Variants in MPND observed in about 807,000 individuals in gnomAD.
MPND encodes MPN domain-containing protein.
MPND carries 56 observed loss-of-function variants against 59.2 expected under a neutral mutation model. That is an observed-to-expected ratio of 0.95 (90% CI 0.76 to 1.18). The LOEUF (loss-of-function observed/expected upper bound fraction) is 1.18, where lower values mean the gene tolerates loss of function less well. Ranked by LOEUF, MPND falls within the 50% of genes most tolerant of loss-of-function variation. MPND has a pLI of 0.00. For synonymous variants in MPND, 323 were observed against 291.9 expected (o/e 1.11, Z -1.09); for missense variants, 671 against 676.0 (o/e 0.99, Z 0.08).
rs757079594 is a variant in MPND, at chr19:4,345,981, G to T, written c.531G>T (p.Glu177Asp). 1.2e-6 allele frequency: 2 copies of T among 1,609,506 alleles called. No individual in the cohort carries two copies. The highest frequency in any genetic ancestry group is 1.7e-5 in the Admixed American group (1 of 59,370). ...QLHTPATAAD[E>D]SPASEGEEEE... ...ACACGCCTGCCACGGCTGCTGATGA[G>T]GTACGTGCTGCAGCCTCCTCCAGGA... The change falls in exon 3 of 13, where the codon GAG becomes GAT. Residue 177 changes from glutamate (E) to aspartate (D), a missense_variant and splice_region_variant. Coordinates refer to ENST00000599840, the MANE Select transcript of MPND (RefSeq NM_001300862.2).
chr19:4,358,241 G>A, intron 11 of MPND, 69 bp downstream of exon 11: 1 of 1,381,104 alleles, frequency 7.2e-7, no homozygotes, highest in Admixed American at 2.0e-5. Context: ...GCGTTGGTCT[G>A]CTTCCCACCG....
Position 4,357,560 on chromosome 19 carries a change from C to T in MPND, c.1211C>T (p.Pro404Leu). 2 of 1,613,112 alleles carry T rather than the reference C, an allele frequency of 1.2e-6. No homozygotes were observed. The highest frequency in any genetic ancestry group is 1.7e-6 in the Non-Finnish European group (2 of 1,179,600). The change falls in exon 10 of 13, where the codon CCT (proline) becomes CTT (leucine). Residue 404 changes from proline (P) to leucine (L), a missense_variant. Transcript: ENST00000599840. The part of the protein sequence containing the change: ...GNPGPESKIS[P>L]FWVMPPPEQR... ...CCAGGCCCCGAGTCCAAGATCTCAC[C>T]TTTCTGGGTGATGCCTCCTCCCGAG...
Position 4,351,755 on chromosome 19 carries a change from G to A in MPND, c.532-1142G>A, listed in dbSNP as rs908091874. Reference sequence around the variant, plus strand: ...CACATGCCTATAATCCCAGCTACTCGGGAGGCTGAGGCAGGAAAATCACTT... The same window carrying A: ...CACATGCCTATAATCCCAGCTACTCAGGAGGCTGAGGCAGGAAAATCACTT... On this transcript the variant is annotated intron_variant, in intron 3 of 12. Transcript: ENST00000599840. Among the ~76,000 whole-genome samples, 8 of 150,632 alleles carry A rather than the reference G, an allele frequency of 5.3e-5. No individual in the cohort carries two copies. The South Asian group carries it at 8.4e-4, about 16-fold the overall frequency.
chr19:4,349,855 T>C (rs937745998), intron 3 of MPND, among the ~76,000 whole-genome samples: 1 of 152,176 alleles, frequency 6.6e-6, no homozygotes, highest in African/African-American at 2.4e-5. Context: ...ACTGTAGATA[T>C]GAATCACATG....
At position 4,359,243 on chromosome 19, in the gene MPND, C is replaced by T. The variant is rs549891396; in HGVS notation, c.1407C>T (p.Leu469=). Residue 469 remains leucine, a synonymous_variant, in exon 12 of 13, where the codon CTC becomes CTT. Transcript: ENST00000599840. Reference sequence around the variant, plus strand: ...CCTGGAGCCAGGAGCACACCTACCTCGACAAGCTTAAGGTGAGCCCCAAGT... The same window carrying T: ...CCTGGAGCCAGGAGCACACCTACCTTGACAAGCTTAAGGTGAGCCCCAAGT... ...QEPWSQEHTY[L]DKLKISLASR... 30 of 1,612,864 alleles carry T rather than the reference C, an allele frequency of 1.9e-5. No individual in the cohort carries two copies. The highest frequency in any genetic ancestry group is 1.5e-4 in the Admixed American group (9 of 60,002).
chr19:4,357,533 A>G lies in MPND; in HGVS notation c.1184A>G (p.Asn395Ser). The change falls in exon 10 of 13, where the codon AAC becomes AGC. Residue 395 changes from asparagine to serine, a missense_variant. Asn to Ser is a conservative substitution (Grantham distance 46). Coordinates refer to ENST00000599840, the MANE Select transcript of MPND (RefSeq NM_001300862.2). ...CCGCCAGCCCCTTACTATTCTGGCA[A>G]CCCAGGCCCCGAGTCCAAGATCTCA... ...ALLCSPYYSGNPGPESKISPF... is the reference protein window; with the variant it reads ...ALLCSPYYSGSPGPESKISPF... 8 of 1,613,654 alleles carry G rather than the reference A, an allele frequency of 5.0e-6. No individual in the cohort carries two copies. The highest frequency in any genetic ancestry group is 6.8e-6 in the Non-Finnish European group (8 of 1,179,830).
At chr19:4,352,659 G>A (rs1480910666) in intron 3 of MPND, among the ~76,000 whole-genome samples, 1 of 152,126 alleles carries the variant, frequency 6.6e-6, no homozygotes, top group Admixed American at 6.5e-5. Flanking sequence ...ACTCCAGACT[G>A]GGCGACAGAG....
chr19:4,346,415 T>A (rs775183638), intron 3 of MPND, among the ~76,000 whole-genome samples: 20 of 152,024 alleles, frequency 1.3e-4, no homozygotes, highest in Non-Finnish European at 2.4e-4. Context: ...TTTGTGTGCC[T>A]TAGTTTTTTT....
In MPND at chr19:4,349,934, A is replaced by G. The variant is rs1010751312; in HGVS notation, c.532-2963A>G. Among the ~76,000 whole-genome samples, 2 of 152,238 alleles carry G rather than the reference A, an allele frequency of 1.3e-5. 1 individual carries two copies. The highest frequency in any genetic ancestry group is 4.1e-4 in the South Asian group (2 of 4,836). On this transcript the variant is annotated intron_variant, in intron 3 of 12. Coordinates refer to ENST00000599840, the MANE Select transcript of MPND (RefSeq NM_001300862.2). ...AATTACCAGGCACTCTTGCCTAGCT[A>G]AGATGACACAGGAAACCATTCTTTC...
chr19:4,344,975 C>T (rs1241802906), intron 2 of MPND, among the ~76,000 whole-genome samples: 1 of 149,028 alleles, frequency 6.7e-6, no homozygotes, highest in Non-Finnish European at 1.5e-5. Flanking sequence ...AACTCCTGAC[C>T]TCGTGGTCCG....
Position 4,345,924 on chromosome 19 carries a change from C to G in MPND, c.474C>G (p.Tyr158Ter). The change falls in exon 3 of 13, where the codon TAC becomes TAG. Residue 158 changes from tyrosine (Y) to a stop codon, truncating the protein, a stop_gained. Transcript: ENST00000599840. LOFTEE classifies it high-confidence loss of function. Reference sequence around the variant, plus strand: ...ACAAAGGCCAGAAACTGGACAAGTACAAGGCCACCTGGCTCCGGCTGCACC... The same window carrying G: ...ACAAAGGCCAGAAACTGGACAAGTAGAAGGCCACCTGGCTCCGGCTGCACC... ...VKYKGQKLDK[Y>*]KATWLRLHQL... is the part of the protein sequence containing the mutation. 1.2e-6 allele frequency: 2 copies of G among 1,613,692 alleles called. No homozygotes were observed. The highest frequency in any genetic ancestry group is 1.7e-6 in the Non-Finnish European group (2 of 1,180,012).
intron 8 of MPND, among the ~76,000 whole-genome samples, chr19:4,356,100 C>T (rs2144836050): frequency 6.6e-6 from 1 of 152,008 alleles, no homozygotes; most frequent in Non-Finnish European, 1.5e-5. Flanking sequence ...GATCCACCCG[C>T]GTCAGCCTCC....
At chr19:4,352,853 C>A (rs548680070) in intron 3 of MPND, 44 bp from the exon 4 acceptor site, 2 of 1,317,136 alleles carry the variant, frequency 1.5e-6, no homozygotes, top group Admixed American at 3.2e-5. Context: ...GGGGGGCACC[C>A]AGCTGAGGGT....
intron 8 of MPND, 128 bp from the exon 9 acceptor site, chr19:4,357,125 C>T (rs1972454174): frequency 2.0e-6 from 2 of 1,001,478 alleles, no homozygotes; most frequent in South Asian, 2.3e-5. Context: ...GGGGCAGGGC[C>T]TGTCTTGGTC....
Position 4,357,427 on chromosome 19 carries a change from C to T in MPND, c.1165+6C>T, listed in dbSNP as rs780363503. On this transcript the variant is annotated splice_donor_region_variant and intron_variant, in intron 9 of 12. Coordinates refer to ENST00000599840, the MANE Select transcript of MPND (RefSeq NM_001300862.2). The stretch of plus-strand genomic sequence containing the variant: ...CTGCCTCGCCCTGCTCTGCTGTACG[C>T]GGGATGGGGCTGTGGGGGGAGCAAG... The T allele has an allele frequency of 1.4e-5, 22 of 1,610,716 alleles. No individual in the cohort carries two copies. The highest frequency in any genetic ancestry group is 5.3e-5 in the African/African-American group (4 of 74,918).
At chr19:4,344,653 A>G (rs984310323) in intron 2 of MPND, among the ~76,000 whole-genome samples, 1 of 152,274 alleles carries the variant, frequency 6.6e-6, no homozygotes, top group East Asian at 1.9e-4. Context: ...ACCATGGGAA[A>G]ATTAGGGGAT....
At chr19:4,346,452 C>G (rs1412605269) in intron 3 of MPND, among the ~76,000 whole-genome samples, 3 of 152,022 alleles carry the variant, frequency 2.0e-5, no homozygotes, top group Non-Finnish European at 4.4e-5. Context: ...GGGTCTCACT[C>G]TGTGGCCCAG....
At chr19:4,356,781 G>C (rs1972447139) in intron 8 of MPND, 2 of 152,764 alleles carry the variant, frequency 1.3e-5, no homozygotes, top group African/African-American at 4.8e-5. Context: ...TGGGAGTACA[G>C]ACACACGCCA....
intron 3 of MPND, among the ~76,000 whole-genome samples, chr19:4,351,376 T>A (rs912745405): frequency 6.6e-6 from 1 of 152,146 alleles, no homozygotes; most frequent in Non-Finnish European, 1.5e-5. Flanking sequence ...GTGCTGGGAT[T>A]GCAGGCGTGG....
Sources: allele counts gnomAD v4.1 joint callset (sites outside exome capture counted in the v4.1 genomes callset), GRCh38; gene constraint gnomAD v4.1.1; transcripts MANE v1.5; gene names NCBI Gene and HGNC (gene_info 2026-07-23, HGNC 2026-07-21).